Variants in FBXL17 observed in about 807,000 individuals in gnomAD.
The protein encoded by FBXL17 is F-box and leucine rich repeat protein 17.
A neutral mutation model predicts 66.2 loss-of-function variants in FBXL17; 22 were observed. The ratio of observed to expected loss-of-function variants is 0.33; its 90% CI spans 0.24 to 0.47. The LOEUF is 0.47. Among genes scored for constraint, FBXL17 ranks in the 20% least tolerant of loss-of-function variants. The pLI, the probability that FBXL17 is intolerant of heterozygous loss-of-function variation, is 1.00. For synonymous variants in FBXL17, 474 were observed against 400.5 expected, an observed-to-expected ratio of 1.18 and a Z score of -2.19; for missense variants, 878 against 948.2, an observed-to-expected ratio of 0.93 and a Z score of 0.97.
chr5:108,162,137 T>A (rs1449987612), intron 6 of FBXL17, among the ~76,000 whole-genome samples: 1 of 152,228 alleles, frequency 6.6e-6, no homozygotes, highest in African/African-American at 2.4e-5. Context: ...TTAAACTATG[T>A]GAAGGTAGGA....
chr5:108,083,252 G>C (rs431434), intron 6 of FBXL17, among the ~76,000 whole-genome samples: 24,018 of 81,824 alleles, frequency 0.29, 2,175 homozygotes, highest in South Asian at 0.55. Context: ...CACACACACA[G>C]AGAGAGAGAT....
rs1749806704 is a variant in FBXL17, at chr5:108,380,832, A to G, written c.860T>C (p.Leu287Ser). ...DAVRAGGTAPLSAQQQHECGD... is the reference protein window; with the variant it reads ...DAVRAGGTAPSSAQQQHECGD... Reference sequence around the variant, plus strand: ...ACATTCATGCTGCTGCTGGGCGGACAAGGGGGCGGTGCCCCCGGCTCGGAC... The same window carrying G: ...ACATTCATGCTGCTGCTGGGCGGACGAGGGGGCGGTGCCCCCGGCTCGGAC... Residue 287 changes from leucine (L) to serine (S), a missense_variant, in exon 1 of 9, where the codon TTG becomes TCG. By Grantham distance (145) the Leu-to-Ser change is moderately radical. Transcript: ENST00000542267. 4 of 1,247,476 alleles carry G rather than the reference A, an allele frequency of 3.2e-6. No homozygotes were observed. Among genetic ancestry groups the G allele is most frequent in the East Asian group, 3.2e-5 (1 of 31,662 alleles). 77.3% of individuals were successfully genotyped at this position (1,247,476 alleles called of 1,614,324 possible).
chr5:108,082,056 GA>G (rs1200964756), intron 6 of FBXL17, among the ~76,000 whole-genome samples: 1 of 152,076 alleles, frequency 6.6e-6, no homozygotes, highest in African/African-American at 2.4e-5. Context: ...AGAAAACATG[GA>G]ACCAAGAAGT....
At chr5:108,028,780 A>T (rs920412740) in intron 6 of FBXL17, among the ~76,000 whole-genome samples, 22 of 152,206 alleles carry the variant, frequency 1.4e-4, no homozygotes, top group Admixed American at 9.8e-4. Flanking sequence ...TTCTCAGAAG[A>T]CTACAAAACA....
At chr5:108,198,117 G>A (rs975078274) in intron 5 of FBXL17, among the ~76,000 whole-genome samples, 8 of 152,096 alleles carry the variant, frequency 5.3e-5, no homozygotes, top group Non-Finnish European at 1.2e-4. Context: ...GAAACACCAT[G>A]AGGCCCCCGT....
intron 6 of FBXL17, among the ~76,000 whole-genome samples, chr5:108,042,103 C>A (rs908450650): frequency 6.6e-6 from 1 of 152,098 alleles, no homozygotes; most frequent in Non-Finnish European, 1.5e-5. Context: ...CCATGTTGGT[C>A]AGGCTGGTCT....
intron 7 of FBXL17, among the ~76,000 whole-genome samples, chr5:107,899,269 A>G (rs1183068151): frequency 6.6e-6 from 1 of 152,192 alleles, no homozygotes; most frequent in Non-Finnish European, 1.5e-5. Context: ...CATATAACAT[A>G]AAAATATGTG....
chr5:108,216,678 T>C (rs1015574485), intron 5 of FBXL17, among the ~76,000 whole-genome samples: 2 of 151,992 alleles, frequency 1.3e-5, no homozygotes, highest in Non-Finnish European at 1.5e-5. Context: ...TTGCCTTAGG[T>C]AGATAACAAG....
chr5:108,089,029 C>A (rs1749087277), intron 6 of FBXL17, among the ~76,000 whole-genome samples: 1 of 152,144 alleles, frequency 6.6e-6, no homozygotes, highest in Admixed American at 6.5e-5. Flanking sequence ...AAACCAAAAC[C>A]AAATAGTTTT....
chr5:108,225,581 G>A (rs1755066523), intron 4 of FBXL17, among the ~76,000 whole-genome samples: 1 of 152,148 alleles, frequency 6.6e-6, no homozygotes, highest in Non-Finnish European at 1.5e-5. Flanking sequence ...TAGGCAAGAG[G>A]CCTGGAACAG....
At chr5:108,171,898 G>T (rs529194324) in intron 6 of FBXL17, among the ~76,000 whole-genome samples, 15 of 152,110 alleles carry the variant, frequency 9.9e-5, no homozygotes, top group Non-Finnish European at 2.1e-4. Flanking sequence ...AGTCTCACAA[G>T]ATCTGATGGT....
At chr5:108,006,308 G>T (rs1753918224) in intron 7 of FBXL17, among the ~76,000 whole-genome samples, 1 of 152,188 alleles carries the variant, frequency 6.6e-6, no homozygotes, top group South Asian at 2.1e-4. Flanking sequence ...AAGACAAATA[G>T]CGGATACAGT....
At chr5:107,997,797 G>C (rs756912756) in intron 7 of FBXL17, among the ~76,000 whole-genome samples, 3 of 152,172 alleles carry the variant, frequency 2.0e-5, no homozygotes, top group East Asian at 3.8e-4. Flanking sequence ...CTGTTAACTA[G>C]ATGGATAAAT....
intron 7 of FBXL17, among the ~76,000 whole-genome samples, chr5:107,896,421 C>A (rs1489735454): frequency 1.3e-5 from 2 of 151,374 alleles, no homozygotes; most frequent in Non-Finnish European, 3.0e-5. Context: ...TATGACTGTG[C>A]AAATACTGTT....
chr5:108,219,549 T>TGGTGGTGGGCGC (rs1402079610), intron 5 of FBXL17, among the ~76,000 whole-genome samples: 3 of 151,976 alleles, frequency 2.0e-5, no homozygotes, highest in East Asian at 3.9e-4. Flanking sequence ...TAGCCGGGCG[T>TGGTGGTGGGCGC]GGTGGTGGGC....
chr5:108,315,204 T>C (rs1298507712), intron 4 of FBXL17, among the ~76,000 whole-genome samples: 3 of 151,158 alleles, frequency 2.0e-5, no homozygotes, highest in Non-Finnish European at 4.4e-5. Context: ...AAAAAAGGAA[T>C]TCTCATTTAT....
Position 108,312,030 on chromosome 5 carries a change from C to T in FBXL17, c.1506+36369G>A, listed in dbSNP as rs74959589. Among the ~76,000 whole-genome samples the T allele has an allele frequency of 4.0e-3, 610 of 152,080 alleles. 7 individuals are homozygous for T. The highest frequency in any genetic ancestry group is 0.014 in the African/African-American group (580 of 41,478). Reference sequence around the variant, plus strand: ...ACTCTGTCCAGGTCATTGAAGCTACCGTCAGAAGACAGAAATGTGTCTTTG... The same window carrying T: ...ACTCTGTCCAGGTCATTGAAGCTACTGTCAGAAGACAGAAATGTGTCTTTG... On this transcript the variant is annotated intron_variant, in intron 4 of 8. Transcript: ENST00000542267.
chr5:108,167,810 G>A (rs1026524348), intron 6 of FBXL17, among the ~76,000 whole-genome samples: 1 of 152,014 alleles, frequency 6.6e-6, no homozygotes, highest in Non-Finnish European at 1.5e-5. Flanking sequence ...AATAACCTGA[G>A]AAAATGTCAT....
At chr5:108,251,393 T>C (rs1459633625) in intron 4 of FBXL17, among the ~76,000 whole-genome samples, 1 of 152,072 alleles carries the variant, frequency 6.6e-6, no homozygotes, top group African/African-American at 2.4e-5. Flanking sequence ...TATTTTCTTA[T>C]GTAGACAGAG....
Sources: gnomAD v4.1 joint callset for allele counts (sites outside exome capture counted in the v4.1 genomes callset) on GRCh38, gnomAD v4.1.1 for gene constraint, MANE v1.5 for transcripts, NCBI Gene and HGNC (gene_info 2026-07-23, HGNC 2026-07-21) for gene names.